Variants in XXYLT1 observed in about 807,000 individuals in gnomAD.
XXYLT1 encodes the protein UDP-xylose:alpha-xyloside alpha-1,3-xylosyltransferase.
Under a neutral mutation model 28.9 loss-of-function variants are expected in XXYLT1, and 20 were observed. The ratio of observed to expected loss-of-function variants is 0.69; its 90% confidence interval spans 0.49 to 1.00. The LOEUF is 1.00. Among genes scored for constraint, XXYLT1 ranks in the 50% least tolerant of loss-of-function variants. The pLI is 0.00. For synonymous variants in XXYLT1, 257 were observed against 253.8 expected (o/e 1.01, Z -0.12); for missense variants, 542 against 560.1 (o/e 0.97, Z 0.33).
intron 3 of XXYLT1, among the ~76,000 whole-genome samples, chr3:195,137,715 G>A (rs1382249556): frequency 1.3e-5 from 2 of 152,248 alleles, no homozygotes; most frequent in Non-Finnish European, 2.9e-5. Flanking sequence ...CGGACACGGA[G>A]AAAGGGAGAG....
intron 3 of XXYLT1, among the ~76,000 whole-genome samples, chr3:195,120,137 GT>G (rs1410520846): frequency 1.3e-5 from 2 of 152,172 alleles, no homozygotes; most frequent in Non-Finnish European, 2.9e-5. Context: ...CTCTATCCAG[GT>G]TCCACGGACA....
intron 2 of XXYLT1, among the ~76,000 whole-genome samples, chr3:195,187,748 G>T (rs1360912292): frequency 6.6e-6 from 1 of 152,116 alleles, no homozygotes; most frequent in Non-Finnish European, 1.5e-5. Flanking sequence ...GCATTCCACC[G>T]AACATGCTCT....
chr3:195,152,091 C>T (rs1031333685), intron 3 of XXYLT1, among the ~76,000 whole-genome samples: 12 of 152,284 alleles, frequency 7.9e-5, no homozygotes, highest in South Asian at 6.2e-4. Context: ...TGAGTACGAC[C>T]GAATGCTATT....
rs1314606611 is a variant in XXYLT1 at position 195,173,796 on chromosome 3, A to G, written c.653-17215T>C. ...GCACCGGCTCGCTGTCCAGGAGAGC[A>G]CCCAGCTCCCACCAGGGAGTCCCTC... On this transcript the variant is annotated intron_variant, in intron 2 of 3. Transcript: ENST00000310380. The surrounding 1 kb of genome is among the most constrained non-coding windows in gnomAD (Gnocchi z 4.3). Among the ~76,000 whole-genome samples the G allele has an allele frequency of 1.3e-5, 2 of 152,194 alleles. No homozygotes were observed. Among genetic ancestry groups the G allele is most frequent in the Non-Finnish European group, 2.9e-5 (2 of 68,018 alleles).
At chr3:195,149,367 T>C (rs1457528214) in intron 3 of XXYLT1, among the ~76,000 whole-genome samples, 1 of 152,188 alleles carries the variant, frequency 6.6e-6, no homozygotes, top group African/African-American at 2.4e-5. Context: ...AAGGGCATAG[T>C]CGGCTTGAAA....
chr3:195,198,109 G>T (rs1722705737), intron 2 of XXYLT1, among the ~76,000 whole-genome samples: 1 of 152,210 alleles, frequency 6.6e-6, no homozygotes, highest in South Asian at 2.1e-4. Flanking sequence ...TGGGGATAGA[G>T]CATATATGAG....
At chr3:195,119,743 C>T (rs759002945) in intron 3 of XXYLT1, among the ~76,000 whole-genome samples, 4 of 152,200 alleles carry the variant, frequency 2.6e-5, no homozygotes, top group Non-Finnish European at 4.4e-5. Flanking sequence ...TTGTTCCATA[C>T]GGCACAAACA....
chr3:195,109,631 CTG>C lies in XXYLT1; in HGVS notation c.786-39522_786-39521del, dbSNP rs573711757. 5.6e-4 allele frequency among the ~76,000 whole-genome samples: 39 copies of C among 69,066 alleles called. 1 individual carries two copies. The South Asian group carries it at 0.016, about 28-fold the overall frequency. 45.3% of individuals were successfully genotyped at this position (69,066 alleles called of 152,430 possible). Reference sequence around the variant, plus strand: ...TGTGTTGTATGAGTGTGTGTGGTGTCTGTGTGGTGTGTGTGGTGTATGTGTGC... The same window carrying C: ...TGTGTTGTATGAGTGTGTGTGGTGTCTGTGGTGTGTGTGGTGTATGTGTGC... On this transcript the variant is annotated intron_variant, in intron 3 of 3. Transcript: ENST00000310380.
At chr3:195,135,923 C>G (rs1719169599) in intron 3 of XXYLT1, among the ~76,000 whole-genome samples, 1 of 152,066 alleles carries the variant, frequency 6.6e-6, no homozygotes, top group East Asian at 1.9e-4. Context: ...AAAGTGAAAC[C>G]CATGCCCTCT....
intron 2 of XXYLT1, among the ~76,000 whole-genome samples, chr3:195,220,061 T>C (rs926734334): frequency 6.6e-6 from 1 of 152,084 alleles, no homozygotes; most frequent in African/African-American, 2.4e-5. Context: ...GTTATGGAGA[T>C]TTCAGAAACC....
rs896373284 is a variant in XXYLT1, at chr3:195,076,670, T to C, written c.786-6559A>G. Among the ~76,000 whole-genome samples the C allele has an allele frequency of 5.3e-5, 8 of 152,160 alleles. No individual in the cohort carries two copies. The highest frequency in any genetic ancestry group is 1.2e-4 in the Non-Finnish European group (8 of 67,956). On this transcript the variant is annotated intron_variant, in intron 3 of 3. Transcript: ENST00000310380. The surrounding 1 kb of genome is among the most constrained non-coding windows in gnomAD (Gnocchi z 5.3). ...AGATCACAGTGCTGGCAGCTGGCTCTGTCTGGGCTAGGAGGGAGGGTCTGT... is the reference window on the plus strand; with the variant it reads ...AGATCACAGTGCTGGCAGCTGGCTCCGTCTGGGCTAGGAGGGAGGGTCTGT...
chr3:195,157,705 A>G (rs1243839756), intron 2 of XXYLT1, among the ~76,000 whole-genome samples: 2 of 152,174 alleles, frequency 1.3e-5, no homozygotes, highest in African/African-American at 2.4e-5. Flanking sequence ...GGGAGGGGCC[A>G]GTGCTGAAGC....
At position 195,173,712 on chromosome 3, in the gene XXYLT1, G is replaced by A. The variant is rs1012958637; in HGVS notation, c.653-17131C>T. Reference sequence around the variant, plus strand: ...CAGGGGAATCCTACTGAAAGGCATCGTGGATAAAGTGAACTTCACTTTAGA... The same window carrying A: ...CAGGGGAATCCTACTGAAAGGCATCATGGATAAAGTGAACTTCACTTTAGA... On this transcript the variant is annotated intron_variant, in intron 2 of 3. Coordinates refer to ENST00000310380, the MANE Select transcript of XXYLT1 (RefSeq NM_152531.5). The surrounding 1 kb of genome is among the most constrained non-coding windows in gnomAD (Gnocchi z 4.3). Among the ~76,000 whole-genome samples, 3 of 152,184 alleles carry A rather than the reference G, an allele frequency of 2.0e-5. No individual in the cohort carries two copies. Among genetic ancestry groups the A allele is most frequent in the Non-Finnish European group, 2.9e-5 (2 of 68,040 alleles).
chr3:195,203,269 A>G (rs1722932510), intron 2 of XXYLT1, among the ~76,000 whole-genome samples: 1 of 152,248 alleles, frequency 6.6e-6, no homozygotes, highest in Admixed American at 6.5e-5. Flanking sequence ...AAAATGGGCT[A>G]AGGGCATAAA....
intron 2 of XXYLT1, among the ~76,000 whole-genome samples, chr3:195,219,067 A>T (rs1050709771): frequency 1.3e-5 from 2 of 152,072 alleles, no homozygotes; most frequent in African/African-American, 4.8e-5. Context: ...TCACAAGAAC[A>T]AAAAACCAAA....
chr3:195,110,254 AG>A (rs1717487286), intron 3 of XXYLT1, among the ~76,000 whole-genome samples: 1 of 1,828 alleles, frequency 5.5e-4, no homozygotes. Flanking sequence ...GTGTGGGTGA[AG>A]TGTGTGTGGG....
At chr3:195,143,810 A>ATTTTTT (rs1433066082) in intron 3 of XXYLT1, among the ~76,000 whole-genome samples, 2 of 95,898 alleles carry the variant, frequency 2.1e-5, no homozygotes. Context: ...AGATAGATAT[A>ATTTTTT]TATAGATATA....
At chr3:195,144,308 T>C (rs1197927143) in intron 3 of XXYLT1, among the ~76,000 whole-genome samples, 1 of 152,080 alleles carries the variant, frequency 6.6e-6, no homozygotes, top group Non-Finnish European at 1.5e-5. Flanking sequence ...CAGGTATTCC[T>C]GGGGTTGATT....
intron 1 of XXYLT1, among the ~76,000 whole-genome samples, chr3:195,247,393 C>T (rs988267806): frequency 6.6e-6 from 1 of 152,252 alleles, no homozygotes; most frequent in African/African-American, 2.4e-5. Context: ...AAGAACACTG[C>T]AGTTTTACCA....
Sources: gnomAD v4.1 joint callset for allele counts (sites outside exome capture counted in the v4.1 genomes callset) on GRCh38, gnomAD v4.1.1 for gene constraint, Gnocchi (gnomAD v3.1) non-coding constraint, MANE v1.5 for transcripts, NCBI Gene and HGNC (gene_info 2026-07-23, HGNC 2026-07-21) for gene names.